HEATR5A: variants seen among roughly 807,000 people sequenced by gnomAD.
HEATR5A encodes the protein HEAT repeat containing 5A, also known as HEAT repeat-containing protein 5A.
In HEATR5A, 178 loss-of-function variants were observed where a neutral mutation model predicts 218.8. The ratio of observed to expected loss-of-function variants is 0.81; its 90% confidence interval spans 0.72 to 0.92. The LOEUF is 0.92. HEATR5A is among the 40% of genes least tolerant of loss of function. HEATR5A has a pLI of 0.00. For synonymous variants in HEATR5A, 864 were observed against 871.6 expected, an observed-to-expected ratio of 0.99 and a Z score of 0.15; for missense variants, 2,420 against 2,418.9, an observed-to-expected ratio of 1.00 and a Z score of -0.01.
chr14:31,293,718 T>C, intron 35 of HEATR5A, 106 bp from the exon 36 acceptor site: 1 of 1,154,542 alleles, frequency 8.7e-7, no homozygotes, highest in Non-Finnish European at 1.2e-6. Context: ...AGAAAACAAT[T>C]CGTCCAATCT....
chr14:31,337,380 T>G, intron 22 of HEATR5A, 96 bp downstream of exon 22: 1 of 973,404 alleles, frequency 1.0e-6, no homozygotes, highest in Non-Finnish European at 1.5e-6. Context: ...TTAAGACATA[T>G]TAACTTTTAA....
chr14:31,383,978 C>T (rs1453928712), intron 9 of HEATR5A, among the ~76,000 whole-genome samples: 1 of 152,086 alleles, frequency 6.6e-6, no homozygotes, highest in African/African-American at 2.4e-5. Flanking sequence ...AATTTTCTAA[C>T]CTAAGAATCA....
rs1229213105 is a variant in HEATR5A at position 31,356,815 on chromosome 14, T to C, written c.2411+1822A>G. Among the ~76,000 whole-genome samples, 6 of 152,258 alleles carry C rather than the reference T, an allele frequency of 3.9e-5. No individual in the cohort carries two copies. The East Asian group carries it at 7.7e-4, about 20-fold the overall frequency. On this transcript the variant is annotated intron_variant, in intron 16 of 35. Coordinates refer to ENST00000543095, the MANE Select transcript of HEATR5A (RefSeq NM_015473.4). ...AGAAAACTTCTCTAGAATAGTAAAATCACTTTTTTAAGAGGAAAGGCTGTA... is the reference window on the plus strand; with the variant it reads ...AGAAAACTTCTCTAGAATAGTAAAACCACTTTTTTAAGAGGAAAGGCTGTA...
intron 34 of HEATR5A, among the ~76,000 whole-genome samples, chr14:31,294,882 C>T (rs1899128699): frequency 6.6e-6 from 1 of 152,112 alleles, no homozygotes; most frequent in Non-Finnish European, 1.5e-5. Flanking sequence ...AACGTCTGGA[C>T]CATACTAATG....
rs1255540369 is a variant in HEATR5A, at chr14:31,358,996, C to T, written c.2133G>A (p.Val711=). Residue 711 remains valine, a synonymous_variant, in exon 15 of 36, where the codon GTG becomes GTA. Coordinates refer to ENST00000543095, the MANE Select transcript of HEATR5A (RefSeq NM_015473.4). ...GTGGAAGTAAAAATGTAGATGCTGC[C>T]ACCTGAATATCAGGGGCAGTCAAGT... is the stretch of plus-strand genomic sequence containing the variant. The part of the protein sequence containing the change: ...AADLTAPDIQ[V]AASTFLLPPL... 1 of 1,588,770 alleles carries T rather than the reference C, an allele frequency of 6.3e-7. No homozygotes were observed. Among genetic ancestry groups the T allele is most frequent in the Admixed American group, 2.0e-5 (1 of 50,414 alleles).
Position 31,304,953 on chromosome 14 carries a change from C to G in HEATR5A, c.5191G>C (p.Ala1731Pro), listed in dbSNP as rs543052871. The G allele has an allele frequency of 6.8e-6, 11 of 1,613,918 alleles. No individual in the cohort carries two copies. Among genetic ancestry groups the G allele is most frequent in the Non-Finnish European group, 8.5e-6 (10 of 1,179,898 alleles). ...LLEDGSRLVS[A>P]ALVILSELPA... ...AGTTCGGAAAGGATAACCAATGCAG[C>G]TGAAACCAATCTACTTCCATCTTCT... The change falls in exon 32 of 36, where the codon GCT becomes CCT. Residue 1731 changes from alanine to proline, a missense_variant. By Grantham distance (27) the Ala-to-Pro change is conservative (BLOSUM62 -1). Transcript: ENST00000543095.
chr14:31,318,407 T>C, intron 25 of HEATR5A, 115 bp from the exon 26 acceptor site: 2 of 801,178 alleles, frequency 2.5e-6, no homozygotes, highest in East Asian at 5.3e-5. Context: ...TGGACAGCTG[T>C]TGTTTTGTCT....
chr14:31,406,475 C>T (rs2031064429), intron 1 of HEATR5A, among the ~76,000 whole-genome samples: 1 of 152,138 alleles, frequency 6.6e-6, no homozygotes, highest in Non-Finnish European at 1.5e-5. Flanking sequence ...GCCAAATTGT[C>T]CATGAAGCAG....
chr14:31,343,957 TGAA>T lies in HEATR5A; in HGVS notation c.3164_3166del (p.Leu1055del). The T allele has an allele frequency of 1.2e-6, 2 of 1,612,084 alleles. No homozygotes were observed. Among genetic ancestry groups the T allele is most frequent in the Non-Finnish European group, 1.7e-6 (2 of 1,179,030 alleles). On this transcript the variant is annotated inframe_deletion, in exon 21 of 36. Coordinates refer to ENST00000543095, the MANE Select transcript of HEATR5A (RefSeq NM_015473.4). ...TCGTGGAGCAAACATATGAAGCTGC[TGAA>T]GGCAAGAGATGGCCTGAGCTTGAAC...
At chr14:31,375,467 TC>T (rs1902192304) in intron 11 of HEATR5A, among the ~76,000 whole-genome samples, 1 of 152,170 alleles carries the variant, frequency 6.6e-6, no homozygotes, top group Non-Finnish European at 1.5e-5. Context: ...TGATCACAGC[TC>T]ACTGCAATCT....
chr14:31,405,594 C>T (rs10431649), intron 1 of HEATR5A, among the ~76,000 whole-genome samples: 3 of 152,200 alleles, frequency 2.0e-5, no homozygotes, highest in Admixed American at 1.3e-4. Context: ...TTAATAAATG[C>T]TACAGAAATA....
chr14:31,415,054 G>T (rs1320303154), intron 1 of HEATR5A, among the ~76,000 whole-genome samples: 1 of 152,154 alleles, frequency 6.6e-6, no homozygotes, highest in Non-Finnish European at 1.5e-5. Context: ...TGGTCAGGCT[G>T]GTTTTGAATT....
chr14:31,358,908 A>G lies in HEATR5A; in HGVS notation c.2221T>C (p.Phe741Leu). 7 of 1,596,194 alleles carry G rather than the reference A, an allele frequency of 4.4e-6. No homozygotes were observed. The highest frequency in any genetic ancestry group is 6.0e-6 in the Non-Finnish European group (7 of 1,174,038). Residue 741 changes from phenylalanine (F) to leucine (L), a missense_variant, in exon 15 of 36, where the codon TTT (phenylalanine) becomes CTT (leucine). Coordinates refer to ENST00000543095, the MANE Select transcript of HEATR5A (RefSeq NM_015473.4). ...SPFLQETDHR[F>L]IEEQLLLGNG... is the part of the protein sequence containing the mutation. ...AATGGCCATACCTGTTCTTCAATAA[A>G]TCTATGGTCAGTCTCTTGTAGGAAA...
chr14:31,320,197 G>A (rs1184211353), intron 25 of HEATR5A: 5 of 614,276 alleles, frequency 8.1e-6, no homozygotes, highest in Non-Finnish European at 1.2e-5. Context: ...GCAGCTGCAG[G>A]GACAGGCAGG....
rs777506431 is a variant in HEATR5A, at chr14:31,323,728, G to A, written c.3624C>T (p.Thr1208=). 1.5e-5 allele frequency: 24 copies of A among 1,612,844 alleles called. No individual in the cohort carries two copies. Among genetic ancestry groups the A allele is most frequent in the Non-Finnish European group, 2.0e-5 (24 of 1,179,226 alleles). The part of the protein sequence containing the change: ...GDKGDDASVL[T]TRRDEKSHPF... The stretch of plus-strand genomic sequence containing the variant: ...GATGGGATTTTTCATCACGTCTGGT[G>A]GTCAGGACTGAGGCATCATCCCCTT... Residue 1208 remains threonine (T), a synonymous_variant, in exon 24 of 36, where the codon ACC becomes ACT. Coordinates refer to ENST00000543095, the MANE Select transcript of HEATR5A (RefSeq NM_015473.4).
intron 26 of HEATR5A, among the ~76,000 whole-genome samples, chr14:31,317,614 G>A (rs959690956): frequency 2.6e-5 from 4 of 152,122 alleles, no homozygotes; most frequent in Non-Finnish European, 5.9e-5. Flanking sequence ...GATATTAAGT[G>A]TCTGACAACG....
In HEATR5A at chr14:31,347,842, C is replaced by T; in HGVS notation, c.2774G>A (p.Arg925Lys). The change falls in exon 19 of 36, where the codon AGG (arginine) becomes AAG (lysine). Residue 925 changes from arginine (R) to lysine (K), a missense_variant. Physicochemically the swap from Arg to Lys is conservative, Grantham distance 26. Coordinates refer to ENST00000543095, the MANE Select transcript of HEATR5A (RefSeq NM_015473.4). ...GHSLALGSLHRYLGGISSSQH... is the reference protein window; with the variant it reads ...GHSLALGSLHKYLGGISSSQH... Reference sequence around the variant, plus strand: ...AGAAGAACTTATTCCTCCTAAATACCTATGTAGGGACCCCAAGGCCAATGA... The same window carrying T: ...AGAAGAACTTATTCCTCCTAAATACTTATGTAGGGACCCCAAGGCCAATGA... The T allele has an allele frequency of 6.3e-7, 1 of 1,594,906 alleles. No homozygotes were observed. The highest frequency in any genetic ancestry group is 1.1e-5 in the South Asian group (1 of 87,972).
At chr14:31,301,498 G>A (rs765175274) in intron 33 of HEATR5A, among the ~76,000 whole-genome samples, 3 of 152,216 alleles carry the variant, frequency 2.0e-5, no homozygotes, top group East Asian at 1.9e-4. Context: ...AGTGAGATGC[G>A]TTTCACATAT....
chr14:31,318,151 A>G (rs995791289), intron 26 of HEATR5A, 73 bp downstream of exon 26: 1 of 1,280,362 alleles, frequency 7.8e-7, no homozygotes, highest in Admixed American at 1.7e-5. Flanking sequence ...AAGAAAAAAC[A>G]TTGGTAAAAA....
Sources: gnomAD v4.1 joint callset for allele counts (sites outside exome capture counted in the v4.1 genomes callset) on GRCh38, gnomAD v4.1.1 for gene constraint, MANE v1.5 for transcripts, NCBI Gene and HGNC (gene_info 2026-07-23, HGNC 2026-07-21) for gene names.